The following NLGN1 variants were observed in gnomAD, a reference collection of about 807,000 sequenced individuals.
NLGN1 encodes neuroligin-1.
In NLGN1, 12 loss-of-function variants were observed where a neutral mutation model predicts 65.5. That is an observed-to-expected ratio of 0.18 (90% CI 0.12 to 0.30). NLGN1 has a LOEUF of 0.30. NLGN1 is among the 10% of genes least tolerant of loss of function. The pLI, the probability that NLGN1 is intolerant of heterozygous loss-of-function variation, is 1.00. For synonymous variants in NLGN1, 350 were observed against 359.5 expected (o/e 0.97, Z 0.30); for missense variants, 750 against 1,007.1 (o/e 0.74, Z 3.46).
At chr3:173,828,914 G>A (rs1473514719) in intron 4 of NLGN1, among the ~76,000 whole-genome samples, 1 of 146,586 alleles carries the variant, frequency 6.8e-6, no homozygotes, top group African/African-American at 2.7e-5. Context: ...GGCATTGGGA[G>A]GAATTTGTTG....
chr3:173,497,399 AAT>A (rs1314328154), intron 2 of NLGN1, among the ~76,000 whole-genome samples: 3 of 144,410 alleles, frequency 2.1e-5, no homozygotes, highest in Admixed American at 6.9e-5. Context: ...AAAATAAATA[AAT>A]AAATAAATAA....
chr3:173,976,998 T>C (rs1717611308), intron 4 of NLGN1, among the ~76,000 whole-genome samples: 3 of 152,054 alleles, frequency 2.0e-5, no homozygotes, highest in South Asian at 4.1e-4. Flanking sequence ...ATGCCTACCA[T>C]GTGCCAGGCA....
chr3:173,541,119 C>G (rs1412715876), intron 2 of NLGN1, among the ~76,000 whole-genome samples: 2 of 152,064 alleles, frequency 1.3e-5, no homozygotes, highest in African/African-American at 2.4e-5. Flanking sequence ...TATAGGGAAT[C>G]TATAAGATAT....
chr3:173,503,155 A>G (rs1027899240), intron 2 of NLGN1, among the ~76,000 whole-genome samples: 6 of 151,986 alleles, frequency 3.9e-5, no homozygotes, highest in Admixed American at 2.0e-4. Context: ...ATATTGAATG[A>G]CTAACCTGAC....
intron 3 of NLGN1, among the ~76,000 whole-genome samples, chr3:173,702,195 C>A (rs146407651): frequency 1.3e-5 from 2 of 148,746 alleles, no homozygotes; most frequent in Non-Finnish European, 3.0e-5. Flanking sequence ...GCCGAGATCC[C>A]GCCACTGCAC....
intron 3 of NLGN1, among the ~76,000 whole-genome samples, chr3:173,805,401 C>T (rs535731391): frequency 3.0e-4 from 45 of 152,234 alleles, no homozygotes; most frequent in African/African-American, 1.0e-3. Context: ...TTAAGATTAA[C>T]CCAGACTATC....
intron 4 of NLGN1, among the ~76,000 whole-genome samples, chr3:173,865,073 C>CTAA (rs1002655962): frequency 2.0e-4 from 31 of 152,110 alleles, no homozygotes; most frequent in African/African-American, 7.0e-4. Flanking sequence ...TGGTCTGGTA[C>CTAA]TAATGCCAGG....
intron 4 of NLGN1, among the ~76,000 whole-genome samples, chr3:174,192,149 G>A (rs1297350463): frequency 6.6e-6 from 1 of 151,630 alleles, no homozygotes; most frequent in East Asian, 1.9e-4. Context: ...TTTTGATAGT[G>A]TTAAAAGCTG....
rs971227659 is a variant in NLGN1 at position 173,790,194 on chromosome 3, A to ATG, written c.494-17474_494-17473dup. Among the ~76,000 whole-genome samples, 317 of 151,884 alleles carry ATG rather than the reference A, an allele frequency of 2.1e-3. 1 individual carries two copies. Among genetic ancestry groups the ATG allele is most frequent in the African/African-American group, 7.3e-3 (301 of 41,432 alleles). On this transcript the variant is annotated intron_variant, in intron 3 of 6. Transcript: ENST00000457714. ...TATGTGTGTGTGTATATATATACAT[A>ATG]TGTGTGTGTGTGTATGTATGTATCC...
intron 4 of NLGN1, among the ~76,000 whole-genome samples, chr3:174,163,876 A>G (rs1336093510): frequency 2.0e-5 from 3 of 152,038 alleles, no homozygotes; most frequent in Non-Finnish European, 4.4e-5. Flanking sequence ...GCTATTGGGT[A>G]TAGTGCTGCA....
intron 3 of NLGN1, among the ~76,000 whole-genome samples, chr3:173,662,883 T>C (rs1328103848): frequency 1.3e-5 from 2 of 152,000 alleles, no homozygotes; most frequent in African/African-American, 4.8e-5. Flanking sequence ...CAGTATACTT[T>C]TCCATAGGTA....
At chr3:173,517,536 T>C (rs898990362) in intron 2 of NLGN1, among the ~76,000 whole-genome samples, 1 of 152,092 alleles carries the variant, frequency 6.6e-6, no homozygotes, top group African/African-American at 2.4e-5. Context: ...TTCACTATAT[T>C]TCACAATATA....
chr3:173,875,088 A>C (rs1731871843), intron 4 of NLGN1, among the ~76,000 whole-genome samples: 1 of 152,170 alleles, frequency 6.6e-6, no homozygotes. Flanking sequence ...TTACTCCTGT[A>C]CCTGAGCAAG....
chr3:173,426,721 A>G (rs1335598731), intron 1 of NLGN1, among the ~76,000 whole-genome samples: 1 of 151,926 alleles, frequency 6.6e-6, no homozygotes, highest in Admixed American at 6.6e-5. Context: ...TGTTGGATTC[A>G]GTTTGCTAAA....
intron 3 of NLGN1, among the ~76,000 whole-genome samples, chr3:173,804,042 A>G (rs1716077217): frequency 6.6e-6 from 1 of 152,188 alleles, no homozygotes; most frequent in Admixed American, 6.5e-5. Context: ...AGGTACAAAT[A>G]AATCCCCATT....
At chr3:173,481,368 A>G (rs552390240) in intron 2 of NLGN1, among the ~76,000 whole-genome samples, 7 of 152,150 alleles carry the variant, frequency 4.6e-5, no homozygotes, top group Admixed American at 4.6e-4. Context: ...ATAAACTGCA[A>G]TGCAGAACTA....
At chr3:173,582,218 G>T (rs373417974) in intron 2 of NLGN1, among the ~76,000 whole-genome samples, 1 of 151,784 alleles carries the variant, frequency 6.6e-6, no homozygotes. Flanking sequence ...TCTTGTTACC[G>T]TTTCTACTAT....
intron 4 of NLGN1, among the ~76,000 whole-genome samples, chr3:174,019,420 T>A (rs987783388): frequency 2.0e-5 from 3 of 152,116 alleles, no homozygotes; most frequent in African/African-American, 7.2e-5. Context: ...CACCATGTTA[T>A]AACAGTAAGA....
intron 4 of NLGN1, among the ~76,000 whole-genome samples, chr3:174,263,449 G>A (rs1747360850): frequency 6.7e-6 from 1 of 149,538 alleles, no homozygotes; most frequent in Non-Finnish European, 1.5e-5. Context: ...GGCCTTCTTT[G>A]TCTCTTTTGA....
Sources: gnomAD v4.1 joint callset for allele counts (sites outside exome capture counted in the v4.1 genomes callset) on GRCh38, gnomAD v4.1.1 for gene constraint, MANE v1.5 for transcripts, NCBI Gene and HGNC (gene_info 2026-07-23, HGNC 2026-07-21) for gene names.